The following LCOR variants were observed in gnomAD, a reference collection of about 807,000 sequenced individuals.
LCOR encodes ligand dependent nuclear receptor corepressor, also known as ligand-dependent corepressor.
LCOR carries 14 observed loss-of-function variants against 64.4 expected under a neutral mutation model. That is an observed-to-expected ratio of 0.22 (90% confidence interval 0.14 to 0.34). The LOEUF (loss-of-function observed/expected upper bound fraction) is 0.34, where lower values mean the gene tolerates loss of function less well. Ranked by LOEUF, LCOR falls within the 10% of genes least tolerant of loss-of-function variation. LCOR has a pLI of 1.00. For missense variants in LCOR, 1,686 were observed against 1,765.3 expected, an observed-to-expected ratio of 0.96 and a Z score of 0.80; for synonymous variants, 643 against 642.5, an observed-to-expected ratio of 1.00 and a Z score of -0.01.
Position 96,982,530 on chromosome 10 carries a change from T to C in LCOR, c.2070T>C (p.His690=). The C allele has an allele frequency of 6.2e-7, 1 of 1,614,160 alleles. No individual in the cohort carries two copies. Among genetic ancestry groups the C allele is most frequent in the Non-Finnish European group, 8.5e-7 (1 of 1,180,026 alleles). Reference sequence around the variant, plus strand: ...GTGAAGATGTCATTTCTAGGCCTCATTCTCCTCCTGAAATAGTCAGTAGAG... The same window carrying C: ...GTGAAGATGTCATTTCTAGGCCTCACTCTCCTCCTGAAATAGTCAGTAGAG... The part of the protein sequence containing the change: ...GVSEDVISRP[H]SPPEIVSREE... The change falls in exon 8 of 8, where the codon CAT becomes CAC. Residue 690 remains histidine, a synonymous_variant. Transcript: ENST00000421806.
chr10:96,862,769 T>C (rs1845908666), intron 2 of LCOR, among the ~76,000 whole-genome samples: 1 of 152,212 alleles, frequency 6.6e-6, no homozygotes, highest in South Asian at 2.1e-4. Context: ...AGACAACACT[T>C]TGTAGTCTCT....
chr10:96,911,481 G>C (rs941731036), intron 4 of LCOR, among the ~76,000 whole-genome samples: 3 of 152,304 alleles, frequency 2.0e-5, no homozygotes, highest in Non-Finnish European at 4.4e-5. Flanking sequence ...AAGGGTCAGA[G>C]ATGTTCAGTT....
intron 2 of LCOR, among the ~76,000 whole-genome samples, chr10:96,876,634 G>A (rs1846168622): frequency 6.6e-6 from 1 of 152,114 alleles, no homozygotes; most frequent in East Asian, 1.9e-4. Context: ...TGACTCATTA[G>A]AAAATACGGA....
chr10:96,888,367 A>AC (rs1846382009), intron 2 of LCOR, among the ~76,000 whole-genome samples: 1 of 140,534 alleles, frequency 7.1e-6, no homozygotes, highest in Non-Finnish European at 1.5e-5. Flanking sequence ...CCGTCTCAAA[A>AC]AAAAAAAAAA....
chr10:96,898,047 AT>A (rs1368252025), intron 2 of LCOR, among the ~76,000 whole-genome samples: 1 of 152,116 alleles, frequency 6.6e-6, no homozygotes, highest in Non-Finnish European at 1.5e-5. Context: ...TCCAACAAAT[AT>A]TTATTGAGCA....
At chr10:96,974,953 G>C (rs1027546133) in intron 7 of LCOR, among the ~76,000 whole-genome samples, 1 of 152,216 alleles carries the variant, frequency 6.6e-6, no homozygotes, top group East Asian at 1.9e-4. Context: ...TGGATCACCT[G>C]AGGTCAGGCG....
intron 4 of LCOR, among the ~76,000 whole-genome samples, chr10:96,914,726 GTAAAGTT>G (rs1463891288): frequency 6.6e-6 from 1 of 152,198 alleles, no homozygotes; most frequent in Non-Finnish European, 1.5e-5. Flanking sequence ...CTCTGAATGG[GTAAAGTT>G]TAGAGTGAGG....
rs888526745 is a variant in LCOR, at chr10:96,915,595, A to T, written c.-184+7848A>T. 9 of 788,150 alleles carry T rather than the reference A, an allele frequency of 1.1e-5. No individual in the cohort carries two copies. In the Admixed American group the frequency reaches 1.7e-4, roughly 15 times the overall value. 48.8% of individuals were successfully genotyped at this position (788,150 alleles called of 1,614,324 possible). A position where few individuals can be genotyped will look rare whatever the true frequency, so the allele number is the denominator to read the frequency against. ...AAATAGAATTTCAAACTATACAGTC[A>T]CCAGAAGTACACAGTTATCAAAAAT... On this transcript the variant is annotated intron_variant, in intron 4 of 7. Coordinates refer to ENST00000421806, the MANE Select transcript of LCOR (RefSeq NM_001346516.2).
chr10:96,980,680 C>T, intron 7 of LCOR, 113 bp from the exon 8 acceptor site: 1 of 590,960 alleles, frequency 1.7e-6, no homozygotes, highest in Non-Finnish European at 3.0e-6. Context: ...GACCCTGTAT[C>T]TACAAAAAAT....
At position 96,992,405 on chromosome 10, in the gene LCOR, ATG is replaced by A. The variant is rs1848208956; in HGVS notation, c.*7272_*7273del. The A allele has an allele frequency of 6.6e-6, 1 of 152,256 alleles. No homozygotes were observed. The highest frequency in any genetic ancestry group is 2.4e-5 in the African/African-American group (1 of 41,466). The allele number at this position is 152,256 out of a possible 1,614,324, so 9.4% of individuals were successfully genotyped here. ...TAGCCACCCATCCTCCCCAGCTACCATGCTCAACCATTGAGCCCCCAAACAAC... is the reference window on the plus strand; with the variant it reads ...TAGCCACCCATCCTCCCCAGCTACCACTCAACCATTGAGCCCCCAAACAAC... On this transcript the variant is annotated 3_prime_UTR_variant, in exon 8 of 8. Coordinates refer to ENST00000421806, the MANE Select transcript of LCOR (RefSeq NM_001346516.2).
chr10:96,888,033 G>T (rs1240629263), intron 2 of LCOR, among the ~76,000 whole-genome samples: 1 of 150,698 alleles, frequency 6.6e-6, no homozygotes, highest in Non-Finnish European at 1.5e-5. Context: ...ACAAACTGTG[G>T]TTATTCAGAT....
chr10:96,955,893 C>A, intron 7 of LCOR: 1 of 1,613,716 alleles, frequency 6.2e-7, no homozygotes, highest in Non-Finnish European at 8.5e-7. Context: ...AGAGGCAGCA[C>A]AAAGTGCAAA....
chr10:96,879,568 T>C (rs1426591066), intron 2 of LCOR, among the ~76,000 whole-genome samples: 1 of 152,244 alleles, frequency 6.6e-6, no homozygotes, highest in African/African-American at 2.4e-5. Flanking sequence ...TTATATCTCA[T>C]GGTGCTCTTA....
chr10:96,958,543 T>C, intron 7 of LCOR: 1 of 693,258 alleles, frequency 1.4e-6, no homozygotes, highest in Non-Finnish European at 2.6e-6. Flanking sequence ...ACTTCTATTA[T>C]TTGTTTTGGT....
chr10:96,917,895 A>G (rs1368459256), intron 4 of LCOR, among the ~76,000 whole-genome samples: 1 of 152,132 alleles, frequency 6.6e-6, no homozygotes, highest in African/African-American at 2.4e-5. Flanking sequence ...AGTCAAGAAG[A>G]GAGAAGGGAA....
Position 96,951,890 on chromosome 10 carries a change from A to G in LCOR, c.239-213A>G, listed in dbSNP as rs1564636065. Among the ~76,000 whole-genome samples, 4 of 152,252 alleles carry G rather than the reference A, an allele frequency of 2.6e-5. No individual in the cohort carries two copies. The South Asian group carries it at 8.3e-4, about 31-fold the overall frequency. On this transcript the variant is annotated intron_variant, in intron 6 of 7. Coordinates refer to ENST00000421806, the MANE Select transcript of LCOR (RefSeq NM_001346516.2). ...TTTTACCTTTTCTTTTGCCCCATTA[A>G]TAATATATTTAGCCCTTGAGGATAT... is the stretch of plus-strand genomic sequence containing the variant.
chr10:96,920,519 GAT>G (rs1490481394), intron 4 of LCOR, among the ~76,000 whole-genome samples: 1 of 94,316 alleles, frequency 1.1e-5, no homozygotes, highest in African/African-American at 4.0e-5. Flanking sequence ...TGTATATTCA[GAT>G]ATATGTGTAT....
chr10:96,886,047 T>G (rs1047634798), intron 2 of LCOR, among the ~76,000 whole-genome samples: 14 of 152,164 alleles, frequency 9.2e-5, no homozygotes, highest in Non-Finnish European at 1.6e-4. Flanking sequence ...CCTGCTAATT[T>G]TTTTATTTCT....
rs1220991645 is a variant in LCOR at position 96,991,135 on chromosome 10, G to A, written c.*6001G>A. 6.7e-6 allele frequency: 1 copy of A among 148,772 alleles called. No individual in the cohort carries two copies. The highest frequency in any genetic ancestry group is 2.0e-4 in the East Asian group (1 of 4,992). 9.2% of individuals were successfully genotyped at this position (148,772 alleles called of 1,614,324 possible). The stretch of plus-strand genomic sequence containing the variant: ...ACTGATCCTTATAGTAGTCATTAAA[G>A]ATCAAATTGTGTAGACAGGCACAAC... On this transcript the variant is annotated 3_prime_UTR_variant, in exon 8 of 8. Coordinates refer to ENST00000421806, the MANE Select transcript of LCOR (RefSeq NM_001346516.2).
Sources: allele counts gnomAD v4.1 joint callset (sites outside exome capture counted in the v4.1 genomes callset), GRCh38; gene constraint gnomAD v4.1.1; transcripts MANE v1.5; gene names NCBI Gene and HGNC (gene_info 2026-07-23, HGNC 2026-07-21).